The following NOTCH3 variants were observed in gnomAD, a reference collection of about 807,000 sequenced individuals.
NOTCH3 encodes the protein neurogenic locus notch homolog protein 3.
A neutral mutation model predicts 213.3 loss-of-function variants in NOTCH3; 86 were observed. That is an observed-to-expected ratio of 0.40 (90% CI 0.34 to 0.48). The LOEUF (loss-of-function observed/expected upper bound fraction) is 0.48. Among genes scored for constraint, NOTCH3 ranks in the 20% least tolerant of loss-of-function variants. The pLI is 0.57. For missense variants in NOTCH3, 2,783 were observed against 3,272.6 expected (o/e 0.85, Z 3.65); for synonymous variants, 1,354 against 1,355.9 (o/e 1.00, Z 0.03).
intron 29 of NOTCH3, 66 bp from the exon 30 acceptor site, chr19:15,166,157 G>C: frequency 6.9e-7 from 1 of 1,439,162 alleles, no homozygotes; most frequent in Non-Finnish European, 9.8e-7. Flanking sequence ...ATGTTATCAA[G>C]GGTACCCCAT....
intron 25 of NOTCH3, among the ~76,000 whole-genome samples, chr19:15,171,076 G>A (rs1225550366): frequency 1.3e-5 from 2 of 152,250 alleles, no homozygotes; most frequent in Non-Finnish European, 2.9e-5. Context: ...ACCGAGGCTG[G>A]AGTGCAGTGG....
rs2046722028 is a variant in NOTCH3 at position 15,170,420 on chromosome 19, C to T, written c.5025G>A (p.Trp1675Ter). 1 of 1,613,130 alleles carries T rather than the reference C, an allele frequency of 6.2e-7. No homozygotes were observed. Among genetic ancestry groups the T allele is most frequent in the South Asian group, 1.1e-5 (1 of 91,092 alleles). Reference protein sequence around the residue: ...ARRKREHSTLWFPEGFSLHKD... With the variant: ...ARRKREHSTL ...TGTGCAGTGAGAAGCCCTCAGGGAA[C>T]CAGAGGGTGCTGTGCTCGCGCTTGC... Residue 1675 changes from tryptophan (W) to a stop codon, truncating the protein, a stop_gained, in exon 27 of 33, where the codon TGG becomes TGA. Coordinates refer to ENST00000263388, the MANE Select transcript of NOTCH3 (RefSeq NM_000435.3). LOFTEE classifies it high-confidence loss of function.
rs142762020 is a variant in NOTCH3, at chr19:15,187,993, G to C, written c.1494C>G (p.Gly498=). The C allele has an allele frequency of 3.2e-6, 5 of 1,550,770 alleles. No homozygotes were observed. Among genetic ancestry groups the C allele is most frequent in the Non-Finnish European group, 4.4e-6 (5 of 1,146,530 alleles). The change falls in exon 10 of 33, where the codon GGC becomes GGG. Residue 498 remains glycine, a splice_region_variant and synonymous_variant. Transcript: ENST00000263388. ...VNGFSCTCPS[G]FSGSTCQLDV... is the part of the protein sequence containing the mutation. The stretch of plus-strand genomic sequence containing the variant: ...CCAGCTGACACGTGGAGCCGCTGAA[G>C]CCTGGGGTGGGGAGTGGGATGAGCA...
chr19:15,200,229 C>G (rs897902456), intron 1 of NOTCH3, among the ~76,000 whole-genome samples: 5 of 151,460 alleles, frequency 3.3e-5, no homozygotes, highest in Middle Eastern at 3.2e-3. Context: ...GGAGGGGGCG[C>G]GCGCGCCGCC....
At chr19:15,176,240 C>T (rs2046789185) in intron 24 of NOTCH3, among the ~76,000 whole-genome samples, 1 of 148,330 alleles carries the variant, frequency 6.7e-6, no homozygotes, top group Admixed American at 6.8e-5. Flanking sequence ...ACGATCTCAG[C>T]TCACCTCATC....
Position 15,185,016 on chromosome 19 carries a change from C to G in NOTCH3, c.2300G>C (p.Arg767Pro), listed in dbSNP as rs75291244. The G allele has an allele frequency of 6.7e-7, 1 of 1,485,082 alleles. No homozygotes were observed. Among genetic ancestry groups the G allele is most frequent in the Non-Finnish European group, 9.1e-7 (1 of 1,096,782 alleles). The allele number at this position is 1,485,082 out of a possible 1,614,324, so 92.0% of individuals were successfully genotyped here. A position where few individuals can be genotyped will look rare whatever the true frequency, so the allele number is the denominator to read the frequency against. The change falls in exon 15 of 33, where the codon CGT becomes CCT. Residue 767 changes from arginine to proline, a missense_variant. Arg to Pro is a moderately radical substitution (Grantham distance 103, BLOSUM62 -2). Around this residue, in one of 6 missense-constraint regions of NOTCH3, gnomAD observed 861 missense variants for 909.1 expected, o/e 0.95. Transcript: ENST00000263388. This position sits in a 1 kb window ranked among gnomAD's most constrained non-coding sequence, Gnocchi z 4.2. The part of the protein sequence containing the change: ...HCTCPPGVQG[R>P]QCELLSPCTP... Reference sequence around the variant, plus strand: ...GCAGGGGGAGAGGAGTTCACACTGACGTCCTGTTGGGGGTGGAAGAGAGGG... The same window carrying G: ...GCAGGGGGAGAGGAGTTCACACTGAGGTCCTGTTGGGGGTGGAAGAGAGGG...
chr19:15,177,071 TA>T (rs776950725), intron 24 of NOTCH3, among the ~76,000 whole-genome samples: 40,893 of 78,194 alleles, frequency 0.52, 11,383 homozygotes, highest in Non-Finnish European at 0.66. Context: ...GACTCCGTCT[TA>T]AAAAAAAAAA....
At chr19:15,167,851 T>C (rs982761294) in intron 28 of NOTCH3, among the ~76,000 whole-genome samples, 1 of 151,022 alleles carries the variant, frequency 6.6e-6, no homozygotes, top group East Asian at 1.9e-4. Flanking sequence ...ATGTGTGCCA[T>C]AGCCCAAGGA....
At position 15,161,536 on chromosome 19, in the gene NOTCH3, C is replaced by T. The variant is rs779314594; in HGVS notation, c.6092G>A (p.Arg2031His). ...CAGGCCGTGGGGACCGGGGGGGCTG[C>T]GGGGCCCACTGGGTTGATCCAGCAA... ...VRLLDQPSGPRSPPGPHGLGP... is the reference protein window; with the variant it reads ...VRLLDQPSGPHSPPGPHGLGP... Residue 2031 changes from arginine (R) to histidine (H), a missense_variant, in exon 33 of 33, where the codon CGC (arginine) becomes CAC (histidine). By Grantham distance (29) the Arg-to-His change is conservative. Transcript: ENST00000263388. 3.7e-5 allele frequency: 60 copies of T among 1,603,404 alleles called. No individual in the cohort carries two copies. The highest frequency in any genetic ancestry group is 3.3e-4 in the Middle Eastern group (2 of 6,068).
chr19:15,178,081 C>G lies in NOTCH3; in HGVS notation c.3847G>C (p.Gly1283Arg). 1 of 1,520,034 alleles carries G rather than the reference C, an allele frequency of 6.6e-7. No individual in the cohort carries two copies. Among genetic ancestry groups the G allele is most frequent in the Non-Finnish European group, 8.8e-7 (1 of 1,139,360 alleles). The allele number at this position is 1,520,034 out of a possible 1,614,324, so 94.2% of individuals were successfully genotyped here. Residue 1283 changes from glycine to arginine, a missense_variant, in exon 24 of 33, where the codon GGT becomes CGT. Gly to Arg is a moderately radical substitution (Grantham distance 125). Coordinates refer to ENST00000263388, the MANE Select transcript of NOTCH3 (RefSeq NM_000435.3). ...FTCHCAQPFW[G>R]PRCERVARSC... is the part of the protein sequence containing the mutation. ...CGCGCCACCCGCTCGCAACGCGGAC[C>G]CCAGAACGGCTGGGGGTCGGGTTTG...
At chr19:15,196,097 G>T (rs1004238) in intron 2 of NOTCH3, among the ~76,000 whole-genome samples, 1 of 151,786 alleles carries the variant, frequency 6.6e-6, no homozygotes, top group Non-Finnish European at 1.5e-5. Flanking sequence ...AGAGACTCGT[G>T]GGGGGTGGAG....
chr19:15,197,650 C>T, intron 1 of NOTCH3, 72 bp from the exon 2 acceptor site: 1 of 1,332,172 alleles, frequency 7.5e-7, no homozygotes, highest in Non-Finnish European at 1.1e-6. Flanking sequence ...GACAAACCCC[C>T]TCCCTCCCTC....
In NOTCH3 at chr19:15,178,101, G is replaced by A. The variant is rs2145415907; in HGVS notation, c.3838-11C>T. 6.6e-7 allele frequency: 1 copy of A among 1,510,668 alleles called. No homozygotes were observed. The highest frequency in any genetic ancestry group is 2.6e-5 in the East Asian group (1 of 38,826). 93.6% of individuals were successfully genotyped at this position (1,510,668 alleles called of 1,614,324 possible). On this transcript the variant is annotated splice_polypyrimidine_tract_variant and intron_variant, in intron 23 of 32. Coordinates refer to ENST00000263388, the MANE Select transcript of NOTCH3 (RefSeq NM_000435.3). Reference sequence around the variant, plus strand: ...CGGACCCCAGAACGGCTGGGGGTCGGGTTTGGGGAGGGAGGGATAAAAATG... The same window carrying A: ...CGGACCCCAGAACGGCTGGGGGTCGAGTTTGGGGAGGGAGGGATAAAAATG...
intron 10 of NOTCH3, 54 bp from the exon 11 acceptor site, chr19:15,187,392 G>C (rs1316719747): frequency 1.3e-6 from 2 of 1,518,358 alleles, no homozygotes; most frequent in African/African-American, 2.7e-5. Flanking sequence ...CTGCCCACAA[G>C]TGAGGCCTCG....
chr19:15,197,441 G>GGGGGGGGC, intron 2 of NOTCH3, 59 bp downstream of exon 2: 2 of 768,360 alleles, frequency 2.6e-6, no homozygotes, highest in Non-Finnish European at 4.6e-6. Flanking sequence ...AAGACAAATC[G>GGGGGGGGC]CCCCTCCCCC....
At chr19:15,167,902 T>C (rs1205242374) in intron 28 of NOTCH3, among the ~76,000 whole-genome samples, 1 of 47,492 alleles carries the variant, frequency 2.1e-5, no homozygotes, top group Non-Finnish European at 4.4e-5. Flanking sequence ...TTTTTTTTTT[T>C]TTTGGTCTTT....
intron 1 of NOTCH3, among the ~76,000 whole-genome samples, chr19:15,200,065 T>A (rs2046999821): frequency 6.8e-6 from 1 of 147,586 alleles, no homozygotes. Context: ...CGGGGGCCCC[T>A]GGCCGGCTGG....
At position 15,169,956 on chromosome 19, in the gene NOTCH3, T is replaced by A. The variant is rs1382386452; in HGVS notation, c.5199+130A>T. On this transcript the variant is annotated intron_variant, in intron 28 of 32. Coordinates refer to ENST00000263388, the MANE Select transcript of NOTCH3 (RefSeq NM_000435.3). ...GAAAGGGTTGCAAAGCTGGGACTAT[T>A]CTCTGGAGCTAGGGAGGTGGGGACA... 7.7e-6 allele frequency: 5 copies of A among 650,374 alleles called. No individual in the cohort carries two copies. In the African/African-American group the frequency reaches 9.0e-5, roughly 12 times the overall value. 40.3% of individuals were successfully genotyped at this position (650,374 alleles called of 1,614,324 possible). A position where few individuals can be genotyped will look rare whatever the true frequency, so the allele number is the denominator to read the frequency against.
At chr19:15,194,952 G>A (rs533592293) in intron 2 of NOTCH3, among the ~76,000 whole-genome samples, 1 of 90,266 alleles carries the variant, frequency 1.1e-5, no homozygotes, top group East Asian at 3.4e-4. Context: ...AGCGATACTC[G>A]ATCTCAAAAA....
Sources: allele counts gnomAD v4.1 joint callset (sites outside exome capture counted in the v4.1 genomes callset), GRCh38; gene constraint gnomAD v4.1.1; regional missense constraint gnomAD v4.1.1; non-coding constraint Gnocchi (gnomAD v3.1); transcripts MANE v1.5; gene names NCBI Gene and HGNC (gene_info 2026-07-23, HGNC 2026-07-21).